The following CYP2C18 variants were observed in gnomAD, a reference collection of about 807,000 sequenced individuals.
CYP2C18 encodes cytochrome P450 family 2 subfamily C member 18, also known as cytochrome P450 2C18.
In CYP2C18, 38 loss-of-function variants were observed where a neutral mutation model predicts 41.3. The observed-to-expected ratio is 0.92, with a 90% CI of 0.71 to 1.21. CYP2C18 has a LOEUF of 1.21. CYP2C18 is among the 50% of genes most tolerant of loss of function. The pLI is 0.00. For missense variants in CYP2C18, 635 were observed against 591.4 expected, an observed-to-expected ratio of 1.07 and a Z score of -0.77; for synonymous variants, 236 against 210.0, an observed-to-expected ratio of 1.12 and a Z score of -1.07.
At chr10:94,698,463 T>A (rs1405003639) in intron 4 of CYP2C18, among the ~76,000 whole-genome samples, 1 of 152,200 alleles carries the variant, frequency 6.6e-6, no homozygotes, top group East Asian at 1.9e-4. Context: ...CCAGAATCTC[T>A]GGGACATATT....
At chr10:94,710,236 G>T (rs79224737) in intron 5 of CYP2C18, among the ~76,000 whole-genome samples, 4,822 of 152,326 alleles carry the variant, frequency 0.032, 125 homozygotes, top group Middle Eastern at 0.13. Context: ...CTCCCAGATT[G>T]CTGGGATCAC....
At chr10:94,714,415 T>G (rs1439620488) in intron 5 of CYP2C18, among the ~76,000 whole-genome samples, 1 of 152,092 alleles carries the variant, frequency 6.6e-6, no homozygotes, top group African/African-American at 2.4e-5. Context: ...GTTTTCCCAG[T>G]ACCATTTATT....
chr10:94,729,924 A>G (rs1282877880), intron 7 of CYP2C18, among the ~76,000 whole-genome samples: 3 of 152,182 alleles, frequency 2.0e-5, no homozygotes, highest in Non-Finnish European at 4.4e-5. Flanking sequence ...GAAGCCTGTA[A>G]CAATCTACAA....
intron 1 of CYP2C18, among the ~76,000 whole-genome samples, chr10:94,684,320 G>A (rs1846844371): frequency 6.6e-6 from 1 of 152,068 alleles, no homozygotes. Context: ...GTGTAACTCT[G>A]TACCTGTTGA....
intron 1 of CYP2C18, among the ~76,000 whole-genome samples, chr10:94,686,407 C>T (rs1289782449): frequency 7.2e-5 from 11 of 152,120 alleles, no homozygotes; most frequent in Non-Finnish European, 1.5e-5. Context: ...TGAATATTTT[C>T]TGTCTTTAGT....
rs761283409 is a variant in CYP2C18 at position 94,688,190 on chromosome 10, A to T, written c.397A>T (p.Asn133Tyr). ...IRRFCLMTLR[N>Y]FGMGKRSIED... is the part of the protein sequence containing the mutation. ...GCGTTTCTGCCTCATGACTCTGCGG[A>T]ATTTTGGGATGGGGAAGAGGAGCAT... The change falls in exon 3 of 9, where the codon AAT (asparagine) becomes TAT (tyrosine). Residue 133 changes from asparagine (N) to tyrosine (Y), a missense_variant. Asn to Tyr is a moderately radical substitution (Grantham distance 143). Transcript: ENST00000285979. 3.3e-5 allele frequency: 54 copies of T among 1,613,524 alleles called. No individual in the cohort carries two copies. Among genetic ancestry groups the T allele is most frequent in the Non-Finnish European group, 4.4e-5 (52 of 1,179,780 alleles).
chr10:94,695,680 G>A (rs1847103208), intron 4 of CYP2C18, among the ~76,000 whole-genome samples: 1 of 152,096 alleles, frequency 6.6e-6, no homozygotes, highest in African/African-American at 2.4e-5. Context: ...AAAGCAGGGT[G>A]AGGCATTGCC....
intron 4 of CYP2C18, among the ~76,000 whole-genome samples, chr10:94,699,392 C>T (rs1847188210): frequency 6.6e-6 from 1 of 152,046 alleles, no homozygotes; most frequent in African/African-American, 2.4e-5. Context: ...ATGATTACCT[C>T]AATAGATGCA....
chr10:94,722,763 T>C (rs1564647533), intron 6 of CYP2C18, among the ~76,000 whole-genome samples: 1 of 152,148 alleles, frequency 6.6e-6, no homozygotes, highest in Non-Finnish European at 1.5e-5. Flanking sequence ...GGCTCACTCA[T>C]GGACAACAGA....
intron 5 of CYP2C18, among the ~76,000 whole-genome samples, chr10:94,717,283 T>C (rs1001095733): frequency 2.0e-5 from 3 of 152,210 alleles, no homozygotes; most frequent in Non-Finnish European, 4.4e-5. Flanking sequence ...GCATCAATGG[T>C]CTTTACAATT....
intron 3 of CYP2C18, among the ~76,000 whole-genome samples, chr10:94,690,476 T>C (rs1846976548): frequency 6.6e-6 from 1 of 152,152 alleles, no homozygotes; most frequent in Admixed American, 6.6e-5. Flanking sequence ...CTCCCAAGAC[T>C]AAACCAGGAA....
intron 5 of CYP2C18, among the ~76,000 whole-genome samples, chr10:94,709,223 C>T (rs1847393388): frequency 1.3e-5 from 2 of 152,108 alleles, no homozygotes; most frequent in Non-Finnish European, 2.9e-5. Context: ...TTTGCTGCAC[C>T]ATTTCGTATT....
At chr10:94,719,842 G>A (rs771439738) in intron 5 of CYP2C18, among the ~76,000 whole-genome samples, 10 of 151,920 alleles carry the variant, frequency 6.6e-5, no homozygotes, top group Non-Finnish European at 1.2e-4. Context: ...CCAAAGTGCT[G>A]GGATTACAGG....
In CYP2C18 at chr10:94,735,587, A is replaced by C; in HGVS notation, c.*143A>C. ...CTTCCCATTCCCTCAAGATCCAATG[A>C]ACATCCAACCTCCATTAAAGAGAGT... is the stretch of plus-strand genomic sequence containing the variant. On this transcript the variant is annotated 3_prime_UTR_variant, in exon 9 of 9. Transcript: ENST00000285979. 1.3e-6 allele frequency: 1 copy of C among 785,186 alleles called. No homozygotes were observed. Among genetic ancestry groups the C allele is most frequent in the Non-Finnish European group, 2.1e-6 (1 of 481,466 alleles). 48.6% of individuals were successfully genotyped at this position (785,186 alleles called of 1,614,324 possible). A position where few individuals can be genotyped will look rare whatever the true frequency, so the allele number is the denominator to read the frequency against.
intron 1 of CYP2C18, among the ~76,000 whole-genome samples, chr10:94,685,517 A>G (rs529954039): frequency 6.6e-6 from 1 of 152,130 alleles, no homozygotes; most frequent in African/African-American, 2.4e-5. Flanking sequence ...TTCTTTCAGT[A>G]GTTTTTAGTT....
Position 94,688,205 on chromosome 10 carries a change from A to G in CYP2C18, c.412A>G (p.Lys138Glu). 1 of 1,613,666 alleles carries G rather than the reference A, an allele frequency of 6.2e-7. No homozygotes were observed. The highest frequency in any genetic ancestry group is 8.5e-7 in the Non-Finnish European group (1 of 1,179,772). ...LMTLRNFGMG[K>E]RSIEDRVQEE... ...GACTCTGCGGAATTTTGGGATGGGG[A>G]AGAGGAGCATCGAGGACCGTGTTCA... is the stretch of plus-strand genomic sequence containing the variant. The change falls in exon 3 of 9, where the codon AAG (lysine) becomes GAG (glutamate). Residue 138 changes from lysine (K) to glutamate (E), a missense_variant. Physicochemically the swap from Lys to Glu is moderately conservative, Grantham distance 56 (BLOSUM62 1). Transcript: ENST00000285979.
chr10:94,685,122 C>A (rs897900341), intron 1 of CYP2C18, among the ~76,000 whole-genome samples: 12 of 151,976 alleles, frequency 7.9e-5, no homozygotes, highest in African/African-American at 2.9e-4. Context: ...CAGCCTTGAG[C>A]TCCTGGGCTC....
chr10:94,706,584 T>C (rs1160528743), intron 4 of CYP2C18, among the ~76,000 whole-genome samples, 200 bp from the exon 5 acceptor site: 1 of 152,174 alleles, frequency 6.6e-6, no homozygotes, highest in Non-Finnish European at 1.5e-5. Flanking sequence ...AAAATTATCA[T>C]CTTTGATCCC....
chr10:94,719,865 T>A (rs1056659992), intron 5 of CYP2C18, among the ~76,000 whole-genome samples: 1 of 151,910 alleles, frequency 6.6e-6, no homozygotes, highest in African/African-American at 2.4e-5. Flanking sequence ...TGTGCCACCA[T>A]GCCTGGCCAA....
Sources: allele counts gnomAD v4.1 joint callset (sites outside exome capture counted in the v4.1 genomes callset), GRCh38; gene constraint gnomAD v4.1.1; transcripts MANE v1.5; gene names NCBI Gene and HGNC (gene_info 2026-07-23, HGNC 2026-07-21).